Variants in ZNF804A observed in about 807,000 individuals in gnomAD.
ZNF804A encodes the protein zinc finger protein 804A.
In ZNF804A, 2 loss-of-function variants were observed where a neutral mutation model predicts 16.5. The ratio of observed to expected loss-of-function variants is 0.12; its 90% CI spans 0.05 to 0.38. ZNF804A has a LOEUF of 0.38. Ranked by LOEUF, ZNF804A falls within the 10% of genes least tolerant of loss-of-function variation. The pLI, the probability that ZNF804A is intolerant of heterozygous loss-of-function variation, is 0.99. For missense variants in ZNF804A, 1,473 were observed against 1,390.7 expected, an observed-to-expected ratio of 1.06 and a Z score of -0.94; for synonymous variants, 534 against 489.6, an observed-to-expected ratio of 1.09 and a Z score of -1.20.
intron 1 of ZNF804A, among the ~76,000 whole-genome samples, chr2:184,853,096 T>C (rs1259679723): frequency 6.6e-6 from 1 of 151,910 alleles, no homozygotes; most frequent in Non-Finnish European, 1.5e-5. Context: ...TTTCCATTTA[T>C]TTATGTCATT....
intron 1 of ZNF804A, among the ~76,000 whole-genome samples, chr2:184,635,203 C>T (rs1002331169): frequency 1.3e-5 from 2 of 152,116 alleles, no homozygotes; most frequent in African/African-American, 2.4e-5. Flanking sequence ...TTCAACAAGA[C>T]AGCTATTCTT....
At chr2:184,825,401 A>T (rs1259828844) in intron 1 of ZNF804A, among the ~76,000 whole-genome samples, 1 of 152,194 alleles carries the variant, frequency 6.6e-6, no homozygotes, top group African/African-American at 2.4e-5. Context: ...TTGATGAATA[A>T]TAACAACCAA....
chr2:184,623,001 G>A (rs1660490601), intron 1 of ZNF804A, among the ~76,000 whole-genome samples: 1 of 151,950 alleles, frequency 6.6e-6, no homozygotes, highest in Admixed American at 6.6e-5. Context: ...GCTATTAGGT[G>A]GACAAGAAAG....
chr2:184,778,742 T>G (rs1694329848), intron 1 of ZNF804A, among the ~76,000 whole-genome samples: 1 of 151,656 alleles, frequency 6.6e-6, no homozygotes, highest in African/African-American at 2.4e-5. Context: ...CTGGGTACCT[T>G]TAATGATCCA....
At chr2:184,925,959 T>A (rs1032774568) in intron 2 of ZNF804A, among the ~76,000 whole-genome samples, 1 of 152,020 alleles carries the variant, frequency 6.6e-6, no homozygotes, top group South Asian at 2.1e-4. Context: ...CTATCTTATG[T>A]ATATCTTTAA....
intron 1 of ZNF804A, among the ~76,000 whole-genome samples, chr2:184,632,338 CG>C (rs1213157194): frequency 6.6e-6 from 1 of 152,092 alleles, no homozygotes; most frequent in Non-Finnish European, 1.5e-5. Context: ...ACCTTTAATG[CG>C]TACTTTGGCA....
chr2:184,681,209 CCA>C (rs1692533340), intron 1 of ZNF804A, among the ~76,000 whole-genome samples: 1 of 152,112 alleles, frequency 6.6e-6, no homozygotes, highest in Admixed American at 6.5e-5. Flanking sequence ...TCACCACTGG[CCA>C]CAGAGGTTCC....
At chr2:184,916,940 T>C (rs747735970) in intron 2 of ZNF804A, among the ~76,000 whole-genome samples, 1 of 152,128 alleles carries the variant, frequency 6.6e-6, no homozygotes, top group Non-Finnish European at 1.5e-5. Context: ...AATTCAGTGA[T>C]GCTATTAAGG....
intron 1 of ZNF804A, among the ~76,000 whole-genome samples, chr2:184,689,290 G>T (rs1284817754): frequency 6.6e-6 from 1 of 152,040 alleles, no homozygotes; most frequent in Non-Finnish European, 1.5e-5. Flanking sequence ...TCATCTTCTA[G>T]ATTATTTGCC....
At chr2:184,702,081 A>G (rs1427508682) in intron 1 of ZNF804A, among the ~76,000 whole-genome samples, 2 of 151,892 alleles carry the variant, frequency 1.3e-5, no homozygotes, top group Non-Finnish European at 2.9e-5. Flanking sequence ...CCAGTTGTAG[A>G]ATAAAAATAA....
intron 1 of ZNF804A, among the ~76,000 whole-genome samples, chr2:184,848,960 T>C (rs925659063): frequency 1.3e-5 from 2 of 152,030 alleles, no homozygotes; most frequent in African/African-American, 4.8e-5. Context: ...ATAATTTATT[T>C]GAGAAGTGAT....
At chr2:184,772,981 A>G (rs993782133) in intron 1 of ZNF804A, among the ~76,000 whole-genome samples, 13 of 125,962 alleles carry the variant, frequency 1.0e-4, no homozygotes, top group East Asian at 6.3e-4. Flanking sequence ...GTATATATAT[A>G]TGTGTGTGTG....
At chr2:184,853,265 A>T (rs552641463) in intron 1 of ZNF804A, among the ~76,000 whole-genome samples, 1 of 151,826 alleles carries the variant, frequency 6.6e-6, no homozygotes, top group Non-Finnish European at 1.5e-5. Flanking sequence ...GTGATTTTTT[A>T]TATGTTGATT....
chr2:184,829,583 G>A (rs1014953529), intron 1 of ZNF804A, among the ~76,000 whole-genome samples: 2 of 151,456 alleles, frequency 1.3e-5, no homozygotes, highest in African/African-American at 2.4e-5. Context: ...TTCAACTTAC[G>A]GGCAAAAGAA....
At chr2:184,913,535 G>A (rs725617) in intron 2 of ZNF804A, among the ~76,000 whole-genome samples, 114,278 of 152,044 alleles carry the variant, frequency 0.75, 43,147 homozygotes, top group East Asian at 0.86. Context: ...TGATAGATAC[G>A]GTATTCTTGG....
chr2:184,886,819 C>A (rs1210680400), intron 2 of ZNF804A, among the ~76,000 whole-genome samples: 1 of 152,208 alleles, frequency 6.6e-6, no homozygotes, highest in Non-Finnish European at 1.5e-5. Context: ...GGGCCTGGGG[C>A]CTGGCCCACA....
At chr2:184,638,074 G>A (rs190567556) in intron 1 of ZNF804A, among the ~76,000 whole-genome samples, 2 of 152,258 alleles carry the variant, frequency 1.3e-5, no homozygotes, top group East Asian at 3.9e-4. Flanking sequence ...CAATCCTGTT[G>A]TTGTGTGCCA....
intron 1 of ZNF804A, among the ~76,000 whole-genome samples, chr2:184,792,582 A>G (rs1323857991): frequency 6.6e-6 from 1 of 151,996 alleles, no homozygotes; most frequent in South Asian, 2.1e-4. Flanking sequence ...TTTATCTGGT[A>G]TATACTTTGC....
intron 1 of ZNF804A, among the ~76,000 whole-genome samples, chr2:184,758,788 A>G (rs1693998027): frequency 1.3e-5 from 2 of 151,986 alleles, no homozygotes; most frequent in Non-Finnish European, 2.9e-5. Flanking sequence ...ATCATTGGGT[A>G]TATTATTGGG....
Sources: gnomAD v4.1 joint callset for allele counts (sites outside exome capture counted in the v4.1 genomes callset) on GRCh38, gnomAD v4.1.1 for gene constraint, MANE v1.5 for transcripts, NCBI Gene and HGNC (gene_info 2026-07-23, HGNC 2026-07-21) for gene names.